The following ERCC6L variants were observed in gnomAD, a reference collection of about 807,000 sequenced individuals.
ERCC6L encodes the protein DNA excision repair protein ERCC-6-like.
ERCC6L carries 7 observed loss-of-function variants against 20.1 expected under a neutral mutation model. The ratio of observed to expected loss-of-function variants is 0.35; its 90% CI spans 0.20 to 0.65. ERCC6L has a LOEUF of 0.65. Among genes scored for constraint, ERCC6L ranks in the 30% least tolerant of loss-of-function variants. The probability of loss-of-function intolerance (pLI) is 0.69; values close to 1 mark genes in which losing one functional copy is unlikely to be tolerated. For synonymous variants in ERCC6L, 278 were observed against 331.3 expected, an observed-to-expected ratio of 0.84 and a Z score of 1.75; for missense variants, 592 against 892.4, an observed-to-expected ratio of 0.66 and a Z score of 4.29.
At chrX:72,210,064 G>C (rs376120163) in intron 1 of ERCC6L, among the ~76,000 whole-genome samples, 18 of 108,930 alleles carry the variant, frequency 1.7e-4, no homozygotes, top group African/African-American at 5.7e-4. Context: ...GCAACCAGAG[G>C]GGGGGAAGAG....
intron 1 of ERCC6L, among the ~76,000 whole-genome samples, chrX:72,229,772 C>T (rs766632775): frequency 2.7e-5 from 3 of 111,776 alleles, no homozygotes; most frequent in African/African-American, 9.7e-5. Flanking sequence ...CCTTAATAGC[C>T]ACCTTGGGTA....
At position 72,206,179 on chromosome X, in the gene ERCC6L, T is replaced by G. The variant is rs1250896050; in HGVS notation, c.2588A>C (p.Glu863Ala). The change falls in exon 2 of 2, where the codon GAA becomes GCA. Residue 863 changes from glutamate (E) to alanine (A), a missense_variant. By Grantham distance (107) the Glu-to-Ala change is moderately radical. Coordinates refer to ENST00000334463, the MANE Select transcript of ERCC6L (RefSeq NM_017669.4). ...KQEALQEDPL[E>A]SFNYVLSKST... ...TTTGCTAAGTACATAATTAAAACTT[T>G]CCAGAGGATCCTCTTGCAGTGCCTC... is the stretch of plus-strand genomic sequence containing the variant. The G allele has an allele frequency of 8.3e-7, 1 of 1,211,781 alleles. No homozygotes were observed. Among genetic ancestry groups the G allele is most frequent in the South Asian group, 1.8e-5 (1 of 56,993 alleles).
At chrX:72,219,831 C>T (rs898753118) in intron 1 of ERCC6L, among the ~76,000 whole-genome samples, 6 of 96,115 alleles carry the variant, frequency 6.2e-5, no homozygotes, top group Non-Finnish European at 1.0e-4. Flanking sequence ...CCTGGCGACA[C>T]AGTGAGACTC....
rs189252057 is a variant in ERCC6L, at chrX:72,227,117, G to A, written c.68+11727C>T. Among the ~76,000 whole-genome samples the A allele has an allele frequency of 4.0e-4, 45 of 111,876 alleles. 1 individual carries two copies. Among genetic ancestry groups the A allele is most frequent in the Non-Finnish European group, 1.5e-4 (8 of 53,190 alleles). On this transcript the variant is annotated intron_variant, in intron 1 of 1. Coordinates refer to ENST00000334463, the MANE Select transcript of ERCC6L (RefSeq NM_017669.4). Reference sequence around the variant, plus strand: ...CATATGCCCCCAGTTAAAAAGGTTCGGTTTCTTCCAGTTCTCATCAATACC... The same window carrying A: ...CATATGCCCCCAGTTAAAAAGGTTCAGTTTCTTCCAGTTCTCATCAATACC...
chrX:72,223,205 T>C (rs2042934937), intron 1 of ERCC6L, among the ~76,000 whole-genome samples: 2 of 100,525 alleles, frequency 2.0e-5, no homozygotes, highest in South Asian at 5.3e-4. Context: ...CCGGGCATGG[T>C]GGCAGGCGCC....
intron 1 of ERCC6L, among the ~76,000 whole-genome samples, chrX:72,212,280 A>G (rs1487370928): frequency 9.1e-6 from 1 of 110,186 alleles, no homozygotes; most frequent in Non-Finnish European, 1.9e-5. Flanking sequence ...AAAAAAAATA[A>G]TAATAATAAT....
chrX:72,231,285 A>G (rs1312717568), intron 1 of ERCC6L, among the ~76,000 whole-genome samples: 1 of 112,109 alleles, frequency 8.9e-6, no homozygotes, highest in Non-Finnish European at 1.9e-5. Flanking sequence ...AATGAACCTA[A>G]AAGACATTTT....
Position 72,205,769 on chromosome X carries a change from T to C in ERCC6L, c.2998A>G (p.Ser1000Gly). The C allele has an allele frequency of 8.3e-7, 1 of 1,211,974 alleles. No individual in the cohort carries two copies. Among genetic ancestry groups the C allele is most frequent in the Non-Finnish European group, 1.1e-6 (1 of 895,436 alleles). The change falls in exon 2 of 2, where the codon AGT (serine) becomes GGT (glycine). Residue 1000 changes from serine to glycine, a missense_variant. Coordinates refer to ENST00000334463, the MANE Select transcript of ERCC6L (RefSeq NM_017669.4). ...AGFVHSKTCL[S>G]WEFSEKDDEP... is the part of the protein sequence containing the mutation. The stretch of plus-strand genomic sequence containing the variant: ...TCGTCTTTCTCAGAAAACTCCCAAC[T>C]GAGACATGTTTTGCTATGCACAAAC...
intron 1 of ERCC6L, among the ~76,000 whole-genome samples, chrX:72,231,977 G>C (rs748396458): frequency 7.3e-5 from 8 of 110,166 alleles, no homozygotes; most frequent in Non-Finnish European, 1.5e-4. Flanking sequence ...ACATTTGGAA[G>C]CCAAGGCAGA....
At chrX:72,214,012 A>G (rs1246888279) in intron 1 of ERCC6L, among the ~76,000 whole-genome samples, 1 of 112,584 alleles carries the variant, frequency 8.9e-6, no homozygotes, top group Non-Finnish European at 1.9e-5. Context: ...ATGTAGATGC[A>G]TTAGACACAA....
At chrX:72,227,259 C>T (rs1289514791) in intron 1 of ERCC6L, among the ~76,000 whole-genome samples, 1 of 111,793 alleles carries the variant, frequency 8.9e-6, no homozygotes, top group African/African-American at 3.3e-5. Flanking sequence ...TTCAATCCGA[C>T]AATGGTCCTG....
chrX:72,222,104 A>T (rs1223116191), intron 1 of ERCC6L, among the ~76,000 whole-genome samples: 1 of 109,117 alleles, frequency 9.2e-6, no homozygotes, highest in Admixed American at 9.9e-5. Context: ...TTCAAAAGCC[A>T]CCAGTCAAAC....
Position 72,204,967 on chromosome X carries a change from C to G in ERCC6L, c.*47G>C. The G allele has an allele frequency of 6.9e-6, 7 of 1,019,274 alleles. No individual in the cohort carries two copies. Among genetic ancestry groups the G allele is most frequent in the Non-Finnish European group, 9.2e-6 (7 of 759,297 alleles). The allele number at this position is 1,019,274 out of a possible 1,213,427, so 84.0% of individuals were successfully genotyped here. A position where few individuals can be genotyped will look rare whatever the true frequency, so the allele number is the denominator to read the frequency against. On this transcript the variant is annotated 3_prime_UTR_variant, in exon 2 of 2. Transcript: ENST00000334463. ...GAATCCAATTATGGGAACAAAAATT[C>G]CCTCATATTCAGTTTCACTTTAAAA...
In ERCC6L at chrX:72,238,925, G is replaced by A; in HGVS notation, c.-14C>T. 8.5e-7 allele frequency: 1 copy of A among 1,182,641 alleles called. No homozygotes were observed. Among genetic ancestry groups the A allele is most frequent in the South Asian group, 1.9e-5 (1 of 53,731 alleles). Reference sequence around the variant, plus strand: ...GGATGCCTCCATGACCCTCGGATTGGGTTCCAGTTACCCCGGCGGGAGTTT... The same window carrying A: ...GGATGCCTCCATGACCCTCGGATTGAGTTCCAGTTACCCCGGCGGGAGTTT... On this transcript the variant is annotated 5_prime_UTR_variant, in exon 1 of 2. Transcript: ENST00000334463.
intron 1 of ERCC6L, among the ~76,000 whole-genome samples, chrX:72,237,415 G>A (rs1314519803): frequency 1.8e-5 from 2 of 110,409 alleles, no homozygotes; most frequent in East Asian, 2.8e-4. Flanking sequence ...CGGCTAACAC[G>A]GTGAAACCCC....
At chrX:72,212,275 A>T (rs192928132) in intron 1 of ERCC6L, among the ~76,000 whole-genome samples, 3,517 of 109,590 alleles carry the variant, frequency 0.032, 80 homozygotes, top group African/African-American at 0.084. Context: ...ATCTCAAAAA[A>T]AATAATAATA....
At chrX:72,233,490 G>A (rs1167284103) in intron 1 of ERCC6L, among the ~76,000 whole-genome samples, 2 of 111,077 alleles carry the variant, frequency 1.8e-5, no homozygotes, top group Admixed American at 9.6e-5. Context: ...TTGGGAGGCC[G>A]AGGCAGGCGA....
rs774298340 is a variant in ERCC6L at position 72,207,965 on chromosome X, A to G, written c.802T>C (p.Trp268Arg). 3.3e-6 allele frequency: 4 copies of G among 1,211,645 alleles called. No homozygotes were observed. The highest frequency in any genetic ancestry group is 4.5e-6 in the Non-Finnish European group (4 of 895,449). The stretch of plus-strand genomic sequence containing the variant: ...TGACAAGCAAAATCAAATAGGGACC[A>G]TAGTTCTTGTAAATTATTCTGGATT... ...TPIQNNLQEL[W>R]SLFDFACQGS... Residue 268 changes from tryptophan to arginine, a missense_variant, in exon 2 of 2, where the codon TGG becomes CGG. Physicochemically the swap from Trp to Arg is moderately radical, Grantham distance 101 (BLOSUM62 -3). Coordinates refer to ENST00000334463, the MANE Select transcript of ERCC6L (RefSeq NM_017669.4).
At chrX:72,212,831 T>C (rs746339691) in intron 1 of ERCC6L, among the ~76,000 whole-genome samples, 1 of 111,026 alleles carries the variant, frequency 9.0e-6, no homozygotes, top group East Asian at 2.8e-4. Flanking sequence ...TAGACCCAGC[T>C]ACTGGGAGGC....
Sources: gnomAD v4.1 joint callset for allele counts (sites outside exome capture counted in the v4.1 genomes callset) on GRCh38, gnomAD v4.1.1 for gene constraint, MANE v1.5 for transcripts, NCBI Gene and HGNC (gene_info 2026-07-23, HGNC 2026-07-21) for gene names.